Variants in ALG6 observed in about 807,000 individuals in gnomAD.
ALG6 encodes the protein ALG6 alpha-1,3-glucosyltransferase.
ALG6 carries 46 observed loss-of-function variants against 66.6 expected under a neutral mutation model. The observed-to-expected ratio is 0.69, with a 90% CI of 0.55 to 0.88. ALG6 has a LOEUF of 0.88. Among genes scored for constraint, ALG6 ranks in the 40% least tolerant of loss-of-function variants. The pLI is 0.00. For missense variants in ALG6, 505 were observed against 586.8 expected, an observed-to-expected ratio of 0.86 and a Z score of 1.44; for synonymous variants, 185 against 203.7, an observed-to-expected ratio of 0.91 and a Z score of 0.78.
chr1:63,422,468 T>A (rs1158339116), intron 12 of ALG6, among the ~76,000 whole-genome samples: 1 of 123,652 alleles, frequency 8.1e-6, no homozygotes, highest in African/African-American at 3.1e-5. Context: ...TATAAATATA[T>A]ATATAAATAT....
At chr1:63,368,263 A>G (rs1411892795) in intron 1 of ALG6, among the ~76,000 whole-genome samples, 1 of 152,210 alleles carries the variant, frequency 6.6e-6, no homozygotes, top group African/African-American at 2.4e-5. Flanking sequence ...TTTAAGCAGA[A>G]GAGAGTCGTT....
chr1:63,396,997 G>A (rs1648843519), intron 3 of ALG6, among the ~76,000 whole-genome samples: 1 of 152,078 alleles, frequency 6.6e-6, no homozygotes, highest in African/African-American at 2.4e-5. Context: ...AGTAGCTGAT[G>A]GCTGAATTTG....
chr1:63,429,075 G>A lies in ALG6; in HGVS notation c.1275G>A (p.Val425=), dbSNP rs1455501558. The A allele has an allele frequency of 6.2e-6, 10 of 1,604,080 alleles. No individual in the cohort carries two copies. The highest frequency in any genetic ancestry group is 7.7e-6 in the Non-Finnish European group (9 of 1,175,128). ...AGTTGAAATCCTTTTCCATTTCTGT[G>A]AGGAAATATCTTCCATGTTTTACAT... is the stretch of plus-strand genomic sequence containing the variant. ...ELQLKSFSIS[V]RKYLPCFTFL... Residue 425 remains valine, a synonymous_variant, in exon 14 of 15, where the codon GTG becomes GTA. Coordinates refer to ENST00000263440, the MANE Select transcript of ALG6 (RefSeq NM_013339.4).
chr1:63,426,970 G>A (rs1009018480), intron 12 of ALG6, among the ~76,000 whole-genome samples: 9 of 152,154 alleles, frequency 5.9e-5, no homozygotes, highest in South Asian at 2.1e-4. Flanking sequence ...ATTAATATGC[G>A]TCCATTCTCA....
rs756307525 is a variant in ALG6 at position 63,428,809 on chromosome 1, A to G, written c.1127+8A>G. 3 of 1,601,570 alleles carry G rather than the reference A, an allele frequency of 1.9e-6. No individual in the cohort carries two copies. In the East Asian group the frequency reaches 6.7e-5, roughly 36 times the overall value. On this transcript the variant is annotated splice_region_variant and intron_variant, in intron 13 of 14. Coordinates refer to ENST00000263440, the MANE Select transcript of ALG6 (RefSeq NM_013339.4). ...ACTTGTGTCAACATTTAGGTAAGTC[A>G]TATCAATTTCCATATATTTTCAGTA... is the stretch of plus-strand genomic sequence containing the variant.
At chr1:63,406,800 T>G (rs1012564246) in intron 6 of ALG6, among the ~76,000 whole-genome samples, 3 of 152,098 alleles carry the variant, frequency 2.0e-5, no homozygotes, top group Non-Finnish European at 4.4e-5. Flanking sequence ...CTTCTCCAGT[T>G]TGTGTATCTG....
intron 12 of ALG6, among the ~76,000 whole-genome samples, chr1:63,422,373 A>G (rs1644588248): frequency 8.7e-6 from 1 of 114,862 alleles, no homozygotes; most frequent in Non-Finnish European, 1.7e-5. Flanking sequence ...ATAAATATAT[A>G]TAAGTATAAA....
intron 12 of ALG6, among the ~76,000 whole-genome samples, chr1:63,427,507 G>A (rs1468185563): frequency 6.6e-6 from 1 of 151,930 alleles, no homozygotes; most frequent in African/African-American, 2.4e-5. Context: ...AAAGTTTATT[G>A]TATTTTAAAA....
In ALG6 at chr1:63,406,340, T is replaced by G. The variant is rs562509297; in HGVS notation, c.370T>G (p.Tyr124Asp). 4.1e-5 allele frequency: 66 copies of G among 1,613,380 alleles called. 1 individual carries two copies. In the South Asian group the frequency reaches 7.1e-4, roughly 17 times the overall value. The change falls in exon 6 of 15, where the codon TAC becomes GAC. Residue 124 changes from tyrosine (Y) to aspartate (D), a missense_variant. Tyr to Asp is a radical substitution (Grantham distance 160, BLOSUM62 -3). Transcript: ENST00000263440. ...TTVLIADLLI[Y>D]IPAVVLYCCC... ...AGTTTTAATTGCTGATCTGCTGATT[T>G]ACATACCTGCAGTGGTTTTGTACTG...
chr1:63,378,402 GA>G (rs1399292717), intron 2 of ALG6, among the ~76,000 whole-genome samples: 1 of 152,134 alleles, frequency 6.6e-6, no homozygotes, highest in Non-Finnish European at 1.5e-5. Context: ...ATATCTTAGT[GA>G]ATATTAAAAC....
In ALG6 at chr1:63,411,014, G is replaced by C. The variant is rs909387171; in HGVS notation, c.495-132G>C. On this transcript the variant is annotated intron_variant, in intron 7 of 14. Transcript: ENST00000263440. ...TTGGGAAATAGCTTTCATTGTATAT[G>C]TTATTTTAAAATCACATAAGAGATA... is the stretch of plus-strand genomic sequence containing the variant. The C allele has an allele frequency of 2.8e-5, 24 of 862,076 alleles. No homozygotes were observed. The African/African-American group carries it at 4.1e-4, about 15-fold the overall frequency. 53.4% of individuals were successfully genotyped at this position (862,076 alleles called of 1,614,324 possible). A position where few individuals can be genotyped will look rare whatever the true frequency, so the allele number is the denominator to read the frequency against.
intron 3 of ALG6, among the ~76,000 whole-genome samples, chr1:63,401,610 G>A (rs2295066): frequency 0.18 from 27,129 of 151,688 alleles, 2,614 homozygotes; most frequent in Middle Eastern, 0.25. Context: ...CCAGGAGGCG[G>A]AAGTTGCAGT....
chr1:63,414,431 G>A (rs1363259718), intron 10 of ALG6, among the ~76,000 whole-genome samples: 1 of 151,786 alleles, frequency 6.6e-6, no homozygotes, highest in Non-Finnish European at 1.5e-5. Context: ...TTGTATTTTA[G>A]TAAAGATGAG....
chr1:63,406,210 A>T (rs1012872), intron 5 of ALG6, 107 bp from the exon 6 acceptor site: 1 of 1,004,098 alleles, frequency 1.0e-6, no homozygotes. Flanking sequence ...TAGTAGGGCA[A>T]GAACCTTGTG....
At chr1:63,374,484 C>T (rs528151917) in intron 2 of ALG6, among the ~76,000 whole-genome samples, 1 of 152,082 alleles carries the variant, frequency 6.6e-6, no homozygotes, top group African/African-American at 2.4e-5. Context: ...AAAAATTAGC[C>T]GGGTGTGGTG....
intron 1 of ALG6, among the ~76,000 whole-genome samples, chr1:63,370,147 C>T (rs981178071): frequency 6.7e-6 from 1 of 149,174 alleles, no homozygotes; most frequent in African/African-American, 2.5e-5. Flanking sequence ...AAAACCCCAA[C>T]CTAAGGAAAA....
chr1:63,373,917 C>G (rs1016451259), intron 2 of ALG6, among the ~76,000 whole-genome samples: 1 of 152,010 alleles, frequency 6.6e-6, no homozygotes, highest in African/African-American at 2.4e-5. Flanking sequence ...CCACTGCGCC[C>G]AATTTTTTCA....
chr1:63,410,892 A>C (rs1644512468), intron 7 of ALG6, among the ~76,000 whole-genome samples: 1 of 152,200 alleles, frequency 6.6e-6, no homozygotes, highest in Non-Finnish European at 1.5e-5. Context: ...TTTTAAACCA[A>C]AACAAATCAG....
intron 14 of ALG6, among the ~76,000 whole-genome samples, chr1:63,434,563 T>C (rs542342546): frequency 7.2e-5 from 11 of 152,314 alleles, no homozygotes; most frequent in Non-Finnish European, 1.2e-4. Flanking sequence ...TGGCTTTGAA[T>C]GCAGTGCAAT....
Sources: gnomAD v4.1 joint callset for allele counts (sites outside exome capture counted in the v4.1 genomes callset) on GRCh38, gnomAD v4.1.1 for gene constraint, MANE v1.5 for transcripts, NCBI Gene and HGNC (gene_info 2026-07-23, HGNC 2026-07-21) for gene names.